CATSPERE: variants seen among roughly 807,000 people sequenced by gnomAD.
The protein encoded by CATSPERE is catsper channel auxiliary subunit epsilon, also known as cation channel sperm-associated auxiliary subunit epsilon.
In CATSPERE, 93 loss-of-function variants were observed where a neutral mutation model predicts 114.1. The observed-to-expected ratio is 0.81, with a 90% CI of 0.69 to 0.97. The LOEUF (loss-of-function observed/expected upper bound fraction) is 0.97. Ranked by LOEUF, CATSPERE falls within the 50% of genes least tolerant of loss-of-function variation. CATSPERE has a pLI of 0.00. For synonymous variants in CATSPERE, 341 were observed against 384.1 expected (o/e 0.89, Z 1.31); for missense variants, 1,058 against 1,131.6 (o/e 0.93, Z 0.93).
chr1:244,612,290 T>C lies in CATSPERE; in HGVS notation c.2490+1964T>C, dbSNP rs563205102. Among the ~76,000 whole-genome samples, 6 of 152,314 alleles carry C rather than the reference T, an allele frequency of 3.9e-5. No individual in the cohort carries two copies. The South Asian group carries it at 1.2e-3, about 32-fold the overall frequency. ...AACTCAACAGGGCAATCAGGGCTGC[T>C]TTCTTCCTGAAACGTATACCTGAAA... On this transcript the variant is annotated intron_variant, in intron 19 of 21. Transcript: ENST00000366534.
chr1:244,484,032 A>G (rs1670640601), intron 5 of CATSPERE, among the ~76,000 whole-genome samples: 1 of 152,074 alleles, frequency 6.6e-6, no homozygotes, highest in South Asian at 2.1e-4. Context: ...TGAATAATTA[A>G]TTTTCTCATA....
At chr1:244,528,791 A>ACGCACG (rs202128609) in intron 8 of CATSPERE, among the ~76,000 whole-genome samples, 68 of 147,362 alleles carry the variant, frequency 4.6e-4, no homozygotes, top group African/African-American at 1.6e-3. Context: ...CCCACCACAC[A>ACGCACG]CACACACACA....
chr1:244,575,722 C>T lies in CATSPERE; in HGVS notation c.1950+2950C>T, dbSNP rs1194597389. 6.6e-6 allele frequency among the ~76,000 whole-genome samples: 1 copy of T among 152,052 alleles called. No homozygotes were observed. Among genetic ancestry groups the T allele is most frequent in the East Asian group, 1.9e-4 (1 of 5,180 alleles). On this transcript the variant is annotated intron_variant, in intron 11 of 21. Transcript: ENST00000366534. This position sits in a 1 kb window ranked among gnomAD's most constrained non-coding sequence, Gnocchi z 4.5. ...GTCTTTCCCTTGCCTCTGCCAGCCGCCTACGCTGCTGTTCTCCCCTCTCCT... is the reference window on the plus strand; with the variant it reads ...GTCTTTCCCTTGCCTCTGCCAGCCGTCTACGCTGCTGTTCTCCCCTCTCCT...
rs1661158024 is a variant in CATSPERE at position 244,553,778 on chromosome 1, A to C, written c.1029+964A>C. 2.6e-5 allele frequency among the ~76,000 whole-genome samples: 4 copies of C among 152,056 alleles called. No homozygotes were observed. In the South Asian group the frequency reaches 8.3e-4, roughly 32 times the overall value. On this transcript the variant is annotated intron_variant, in intron 9 of 21. Transcript: ENST00000366534. ...AACATTAGAACTTATTCTTCTATTT[A>C]ACTGTATATTTGTACGTATTAACCA...
chr1:244,629,077 G>A (rs949637802), intron 20 of CATSPERE, among the ~76,000 whole-genome samples: 2 of 152,142 alleles, frequency 1.3e-5, no homozygotes, highest in Non-Finnish European at 2.9e-5. Context: ...AGCCATGAGC[G>A]GTTTCTCAAG....
At chr1:244,591,064 T>C (rs1322393410) in intron 14 of CATSPERE, among the ~76,000 whole-genome samples, 1 of 152,226 alleles carries the variant, frequency 6.6e-6, no homozygotes, top group Admixed American at 6.5e-5. Flanking sequence ...CAGCAATATA[T>C]ATGGGTCCCA....
chr1:244,519,329 A>T (rs1265524980), intron 8 of CATSPERE, among the ~76,000 whole-genome samples: 1 of 152,212 alleles, frequency 6.6e-6, no homozygotes, highest in African/African-American at 2.4e-5. Flanking sequence ...AAAAGGTGAC[A>T]TCTGCATTAT....
At chr1:244,489,450 A>ATTTTTTTTTTTTTTTTT (rs10524749) in intron 5 of CATSPERE, among the ~76,000 whole-genome samples, 3 of 85,566 alleles carry the variant, frequency 3.5e-5, no homozygotes, top group African/African-American at 1.4e-4. Flanking sequence ...AAGCATGCAG[A>ATTTTTTTTTTTTTTTTT]TTTTTTTTTT....
chr1:244,509,080 G>A (rs1299481758), intron 7 of CATSPERE, among the ~76,000 whole-genome samples: 2 of 150,798 alleles, frequency 1.3e-5, no homozygotes, highest in East Asian at 3.9e-4. Context: ...TCTATTGCTC[G>A]GCTAGGACTT....
chr1:244,553,622 C>CATATAT (rs1553356173), intron 9 of CATSPERE, among the ~76,000 whole-genome samples: 1 of 141,300 alleles, frequency 7.1e-6, no homozygotes, highest in African/African-American at 2.9e-5. Flanking sequence ...CACACACACA[C>CATATAT]ACACACACAC....
At chr1:244,534,410 T>C (rs1680064060) in intron 8 of CATSPERE, among the ~76,000 whole-genome samples, 1 of 152,146 alleles carries the variant, frequency 6.6e-6, no homozygotes, top group Non-Finnish European at 1.5e-5. Flanking sequence ...ATTTGCCCCG[T>C]TGAGGCTGTT....
chr1:244,464,084 G>A, intron 2 of CATSPERE, 128 bp downstream of exon 2: 1 of 709,976 alleles, frequency 1.4e-6, no homozygotes, highest in African/African-American at 1.8e-5. Flanking sequence ...CTTTCATCCG[G>A]TGTATTACCC....
At chr1:244,451,678 A>T (rs1346672607), upstream of CATSPERE, 1 of 1,612,226 alleles carries the variant, frequency 6.2e-7, no homozygotes, top group Non-Finnish European at 8.5e-7. This position sits in a 1 kb window ranked among gnomAD's most constrained non-coding sequence, Gnocchi z 6.6. Context: ...CAGCAGGTCC[A>T]CCACCTTCCC....
chr1:244,553,620 C>CATATAT (rs1661080607), intron 9 of CATSPERE, among the ~76,000 whole-genome samples: 1 of 139,200 alleles, frequency 7.2e-6, no homozygotes, highest in African/African-American at 3.0e-5. Flanking sequence ...CACACACACA[C>CATATAT]ACACACACAC....
At chr1:244,486,753 CGTA>C (rs2148197778) in intron 5 of CATSPERE, among the ~76,000 whole-genome samples, 1 of 117,356 alleles carries the variant, frequency 8.5e-6, no homozygotes, top group African/African-American at 3.4e-5. Context: ...TGTAGACTCT[CGTA>C]GTCACCTGGT....
chr1:244,532,781 G>T (rs1004210318), intron 8 of CATSPERE, among the ~76,000 whole-genome samples: 3 of 151,950 alleles, frequency 2.0e-5, no homozygotes, highest in Non-Finnish European at 4.4e-5. Flanking sequence ...CTAATATATG[G>T]TCTATCCTTG....
chr1:244,486,491 G>A (rs141065774), intron 5 of CATSPERE, among the ~76,000 whole-genome samples: 15 of 137,918 alleles, frequency 1.1e-4, no homozygotes, highest in Admixed American at 1.4e-4. Context: ...AGCATGTGGG[G>A]TACTCGTGGG....
intron 11 of CATSPERE, among the ~76,000 whole-genome samples, chr1:244,578,653 C>CTATA (rs987137623): frequency 6.7e-6 from 1 of 149,638 alleles, no homozygotes; most frequent in African/African-American, 2.5e-5. Flanking sequence ...CAGTCTACAG[C>CTATA]TATATATATA....
Position 244,549,407 on chromosome 1 carries a change from A to T in CATSPERE, c.537-2915A>T, listed in dbSNP as rs576658152. Among the ~76,000 whole-genome samples the T allele has an allele frequency of 2.9e-5, 3 of 102,694 alleles. No individual in the cohort carries two copies. In the South Asian group the frequency reaches 1.2e-3, roughly 41 times the overall value. The allele number at this position is 102,694 out of a possible 152,430, so 67.4% of individuals were successfully genotyped here. ...TTCCTCCTTATTTTGTTAAGAATACATTTGTGTGTATGTCTATATATATAT... is the reference window on the plus strand; with the variant it reads ...TTCCTCCTTATTTTGTTAAGAATACTTTTGTGTGTATGTCTATATATATAT... On this transcript the variant is annotated intron_variant, in intron 8 of 21. Coordinates refer to ENST00000366534, the MANE Select transcript of CATSPERE (RefSeq NM_001130957.2).
Sources: allele counts gnomAD v4.1 joint callset (sites outside exome capture counted in the v4.1 genomes callset), GRCh38; gene constraint gnomAD v4.1.1; non-coding constraint Gnocchi (gnomAD v3.1); transcripts MANE v1.5; gene names NCBI Gene and HGNC (gene_info 2026-07-23, HGNC 2026-07-21).